Variants in CADPS observed in about 807,000 individuals in gnomAD.
CADPS encodes the protein calcium dependent secretion activator.
A neutral mutation model predicts 167.3 loss-of-function variants in CADPS; 57 were observed. The observed-to-expected ratio is 0.34, with a 90% CI of 0.28 to 0.42. The LOEUF (loss-of-function observed/expected upper bound fraction) is 0.42, where lower values mean the gene tolerates loss of function less well. Ranked by LOEUF, CADPS falls within the 20% of genes least tolerant of loss-of-function variation. CADPS has a pLI of 1.00. For missense variants in CADPS, 1,414 were observed against 1,738.1 expected (o/e 0.81, Z 3.32); for synonymous variants, 676 against 635.3 (o/e 1.06, Z -0.96).
chr3:62,803,011 G>C (rs2093865626), intron 1 of CADPS, among the ~76,000 whole-genome samples: 2 of 152,154 alleles, frequency 1.3e-5, no homozygotes, highest in Admixed American at 1.3e-4. Context: ...TGAGCAAGAA[G>C]AACACTTAGG....
chr3:62,474,536 C>T (rs748336179), intron 23 of CADPS, among the ~76,000 whole-genome samples: 6 of 152,096 alleles, frequency 3.9e-5, no homozygotes, highest in Admixed American at 6.5e-5. Flanking sequence ...CGGCAGTACC[C>T]GGAACACTTG....
At chr3:62,860,993 G>A (rs375131020) in intron 1 of CADPS, among the ~76,000 whole-genome samples, 18 of 152,090 alleles carry the variant, frequency 1.2e-4, no homozygotes, top group African/African-American at 4.3e-4. Context: ...GTGTGCTTGG[G>A]CACACTGAAA....
intron 1 of CADPS, among the ~76,000 whole-genome samples, chr3:62,870,098 A>T (rs2082349767): frequency 6.6e-6 from 1 of 152,192 alleles, no homozygotes; most frequent in Non-Finnish European, 1.5e-5. Context: ...CTCTGCTATC[A>T]GTGCATAACA....
intron 8 of CADPS, among the ~76,000 whole-genome samples, chr3:62,573,345 T>G (rs1235999237): frequency 6.6e-6 from 1 of 152,180 alleles, no homozygotes; most frequent in Non-Finnish European, 1.5e-5. Flanking sequence ...TTTCCATCCA[T>G]GGTTTGTTGA....
At chr3:62,483,957 C>G (rs1336620666) in intron 21 of CADPS, among the ~76,000 whole-genome samples, 1 of 152,120 alleles carries the variant, frequency 6.6e-6, no homozygotes, top group African/African-American at 2.4e-5. Flanking sequence ...GCTAGGAGTG[C>G]ATAACATACA....
chr3:62,492,477 A>G lies in CADPS; in HGVS notation c.2728-31T>C, dbSNP rs750020783. ...AAATTTGGCAGAAAAACAATAGACA[A>G]AGAAGTGATGAGCTTCTTTCTCGGA... On this transcript the variant is annotated intron_variant, in intron 19 of 29. Transcript: ENST00000383710. 15 of 1,604,324 alleles carry G rather than the reference A, an allele frequency of 9.3e-6. No homozygotes were observed. The East Asian group carries it at 3.4e-4, about 36-fold the overall frequency.
At chr3:62,451,070 A>C (rs1424243066) in intron 26 of CADPS, among the ~76,000 whole-genome samples, 1 of 149,704 alleles carries the variant, frequency 6.7e-6, no homozygotes, top group African/African-American at 2.5e-5. Flanking sequence ...ATGGCTTCTC[A>C]AAAAAAAAAT....
chr3:62,604,855 C>A (rs917612504), intron 6 of CADPS, among the ~76,000 whole-genome samples: 3 of 152,176 alleles, frequency 2.0e-5, no homozygotes, highest in Non-Finnish European at 2.9e-5. Context: ...AACTGCTCAC[C>A]GCATGGCAGA....
intron 2 of CADPS, among the ~76,000 whole-genome samples, chr3:62,762,953 G>A (rs1046195614): frequency 1.3e-5 from 2 of 152,150 alleles, no homozygotes; most frequent in Admixed American, 1.3e-4. Context: ...GCATGGTAGG[G>A]TGGAGTGTGT....
At position 62,753,714 on chromosome 3, in the gene CADPS, G is replaced by A. The variant is rs149627119; in HGVS notation, c.615C>T (p.Asn205=). 67 of 1,614,000 alleles carry A rather than the reference G, an allele frequency of 4.2e-5. No homozygotes were observed. Among genetic ancestry groups the A allele is most frequent in the African/African-American group, 3.7e-4 (28 of 74,894 alleles). The change falls in exon 3 of 30, where the codon AAC becomes AAT. Residue 205 remains asparagine (N), a synonymous_variant. Transcript: ENST00000383710. This position sits in a 1 kb window ranked among gnomAD's most constrained non-coding sequence, Gnocchi z 4.6. ...GCTTCTTGAAGACCTCCCGGGAGTC[G>A]TTGGCGGAACAGCCTCCACTCTGAA... ...RMVQSGGCSA[N]DSREVFKKHI... is the part of the protein sequence containing the mutation.
chr3:62,591,061 T>C (rs2085896527), intron 7 of CADPS, among the ~76,000 whole-genome samples: 1 of 152,156 alleles, frequency 6.6e-6, no homozygotes, highest in Non-Finnish European at 1.5e-5. Flanking sequence ...TTTCACCATG[T>C]TGGCCAGGCT....
intron 3 of CADPS, among the ~76,000 whole-genome samples, chr3:62,667,303 T>C (rs150497267): frequency 1.3e-5 from 2 of 152,134 alleles, no homozygotes; most frequent in African/African-American, 4.8e-5. Flanking sequence ...TCCCTGCCTT[T>C]AGGATATATG....
At chr3:62,717,043 A>G (rs1224260582) in intron 3 of CADPS, among the ~76,000 whole-genome samples, 1 of 152,204 alleles carries the variant, frequency 6.6e-6, no homozygotes, top group African/African-American at 2.4e-5. Flanking sequence ...TCTGTCAGCA[A>G]CAGCCACAGA....
intron 5 of CADPS, among the ~76,000 whole-genome samples, chr3:62,648,152 T>C (rs898659494): frequency 1.4e-4 from 21 of 152,328 alleles, no homozygotes; most frequent in African/African-American, 3.6e-4. Context: ...GCCCTCATTG[T>C]GCCCACCAAA....
At position 62,736,775 on chromosome 3, in the gene CADPS, G is replaced by C. The variant is rs576416601; in HGVS notation, c.888+16666C>G. Among the ~76,000 whole-genome samples, 56 of 152,262 alleles carry C rather than the reference G, an allele frequency of 3.7e-4. 1 individual carries two copies. Among genetic ancestry groups the C allele is most frequent in the Non-Finnish European group, 7.4e-4 (50 of 68,020 alleles). ...ATTTCTTACTATATCCTGCATACATGTACAACTTGCAGAAATCCAGATACC... is the reference window on the plus strand; with the variant it reads ...ATTTCTTACTATATCCTGCATACATCTACAACTTGCAGAAATCCAGATACC... On this transcript the variant is annotated intron_variant, in intron 3 of 29. Coordinates refer to ENST00000383710, the MANE Select transcript of CADPS (RefSeq NM_003716.4).
chr3:62,722,945 C>G (rs2076091277), intron 3 of CADPS, among the ~76,000 whole-genome samples: 1 of 152,068 alleles, frequency 6.6e-6, no homozygotes, highest in South Asian at 2.1e-4. Flanking sequence ...ATAAAAAACT[C>G]ACACATGTCT....
intron 27 of CADPS, among the ~76,000 whole-genome samples, chr3:62,443,588 C>T (rs1293251832): frequency 6.6e-6 from 1 of 152,078 alleles, no homozygotes; most frequent in African/African-American, 2.4e-5. Context: ...CCAGGCTGTT[C>T]TTGTGATACT....
chr3:62,702,871 T>C (rs2081647041), intron 3 of CADPS, among the ~76,000 whole-genome samples: 1 of 152,138 alleles, frequency 6.6e-6, no homozygotes, highest in Admixed American at 6.5e-5. Flanking sequence ...TTTACATGAA[T>C]TACTTCATTT....
chr3:62,808,019 G>A (rs1029142040), intron 1 of CADPS, among the ~76,000 whole-genome samples: 46 of 151,798 alleles, frequency 3.0e-4, no homozygotes, highest in African/African-American at 9.9e-4. Flanking sequence ...GACTACGGGC[G>A]CACATCACCA....
Sources: allele counts gnomAD v4.1 joint callset (sites outside exome capture counted in the v4.1 genomes callset), GRCh38; gene constraint gnomAD v4.1.1; non-coding constraint Gnocchi (gnomAD v3.1); transcripts MANE v1.5; gene names NCBI Gene and HGNC (gene_info 2026-07-23, HGNC 2026-07-21).